Variants in THEMIS observed in about 807,000 individuals in gnomAD.
THEMIS encodes the protein thymocyte selection associated.
Under a neutral mutation model 52.6 loss-of-function variants are expected in THEMIS, and 37 were observed. The observed-to-expected ratio is 0.70, with a 90% CI of 0.54 to 0.93. The LOEUF is 0.93. Among genes scored for constraint, THEMIS ranks in the 40% least tolerant of loss-of-function variants. The probability of loss-of-function intolerance (pLI) is 0.00; values close to 1 mark genes in which losing one functional copy is unlikely to be tolerated. For synonymous variants in THEMIS, 292 were observed against 272.7 expected (o/e 1.07, Z -0.70); for missense variants, 808 against 763.1 (o/e 1.06, Z -0.69).
At position 127,732,499 on chromosome 6, in the gene THEMIS, G is replaced by A. The variant is rs147518357; in HGVS notation, c.1759-12676C>T. Among the ~76,000 whole-genome samples the A allele has an allele frequency of 6.1e-3, 931 of 152,198 alleles. 6 individuals carry two copies. Among genetic ancestry groups the A allele is most frequent in the African/African-American group, 0.021 (867 of 41,504 alleles). On this transcript the variant is annotated intron_variant, in intron 4 of 5. Transcript: ENST00000368248. ...TACCATGCAACCATTACCCAGATCT[G>A]GAAATAGAATATTAGTAATCCCAGC...
intron 2 of THEMIS, among the ~76,000 whole-genome samples, chr6:127,834,664 C>A (rs1312347142): frequency 2.0e-5 from 3 of 151,934 alleles, no homozygotes; most frequent in Non-Finnish European, 4.4e-5. Context: ...ATTGCTTTTA[C>A]CTGCAGAGGT....
intron 1 of THEMIS, among the ~76,000 whole-genome samples, chr6:127,868,252 ATGATG>A (rs1318226721): frequency 1.3e-5 from 2 of 152,150 alleles, no homozygotes; most frequent in African/African-American, 4.8e-5. Flanking sequence ...ATTATTTTAC[ATGATG>A]TTTAAGACTG....
At chr6:127,729,140 TTCTCTCTCTCTCTCTCTCTCTCTCTCTC>T (rs35400135) in intron 4 of THEMIS, among the ~76,000 whole-genome samples, 1,776 of 106,238 alleles carry the variant, frequency 0.017, 61 homozygotes, top group African/African-American at 0.052. Flanking sequence ...TACCAATTTA[TTCTCTCTCTCTCTCTCTCTCTCTCTCTC>T]TCTCTCTCTC....
chr6:127,779,868 A>G (rs1776686013), intron 4 of THEMIS, among the ~76,000 whole-genome samples: 1 of 152,248 alleles, frequency 6.6e-6, no homozygotes, highest in Middle Eastern at 3.4e-3. Context: ...ATAGTTCAAA[A>G]ATTTCTGTTT....
chr6:127,902,225 T>C (rs887466008), upstream of THEMIS, among the ~76,000 whole-genome samples: 4 of 148,692 alleles, frequency 2.7e-5, no homozygotes, highest in African/African-American at 9.9e-5. Flanking sequence ...GTGAGGAGGC[T>C]GAGGAAGGAG....
intron 4 of THEMIS, among the ~76,000 whole-genome samples, chr6:127,798,672 A>T (rs73595721): frequency 5.3e-5 from 8 of 152,348 alleles, no homozygotes; most frequent in African/African-American, 1.9e-4. Flanking sequence ...ATGGTTGTTT[A>T]AAAAAGTAAC....
chr6:127,707,300 G>A (rs114966159), downstream of THEMIS, among the ~76,000 whole-genome samples: 3,270 of 152,166 alleles, frequency 0.021, 117 homozygotes, highest in African/African-American at 0.075. Flanking sequence ...TGAGCAAAAC[G>A]AATAGGAAGA....
At chr6:127,913,865 T>G (rs1484738092) in intron 1 of THEMIS, among the ~76,000 whole-genome samples, 1 of 152,188 alleles carries the variant, frequency 6.6e-6, no homozygotes, top group Non-Finnish European at 1.5e-5. Flanking sequence ...TTGCTAGAAC[T>G]TAATTGGGAG....
intron 4 of THEMIS, among the ~76,000 whole-genome samples, chr6:127,745,355 T>C (rs545189423): frequency 6.6e-6 from 1 of 151,990 alleles, no homozygotes; most frequent in Admixed American, 6.6e-5. Flanking sequence ...GCCCAAATAA[T>C]GCAGAATAGG....
intron 1 of THEMIS, among the ~76,000 whole-genome samples, chr6:127,892,789 G>C (rs935225680): frequency 2.0e-5 from 3 of 152,012 alleles, no homozygotes; most frequent in African/African-American, 7.2e-5. Context: ...GTGTGCCTCG[G>C]CTCCTTTCCA....
intron 3 of THEMIS, among the ~76,000 whole-genome samples, chr6:127,826,476 T>A (rs1323622352): frequency 6.6e-6 from 1 of 152,258 alleles, no homozygotes; most frequent in South Asian, 2.1e-4. Context: ...ATTAATTTTT[T>A]ACATATCTGG....
At chr6:127,858,153 A>C (rs1171051647) in intron 1 of THEMIS, among the ~76,000 whole-genome samples, 1 of 152,092 alleles carries the variant, frequency 6.6e-6, no homozygotes, top group Non-Finnish European at 1.5e-5. Context: ...GTGAGATTTC[A>C]TATCAATTCA....
At chr6:127,818,944 C>T (rs1294014695) in intron 3 of THEMIS, among the ~76,000 whole-genome samples, 4 of 150,804 alleles carry the variant, frequency 2.7e-5, no homozygotes, top group African/African-American at 9.7e-5. Context: ...ATGGTGAAAC[C>T]CCATCTCTAA....
chr6:127,785,992 A>G (rs1055346120), intron 4 of THEMIS, among the ~76,000 whole-genome samples: 4 of 152,072 alleles, frequency 2.6e-5, no homozygotes, highest in African/African-American at 9.7e-5. Flanking sequence ...ACTCCCTCTT[A>G]GTAGGAGATC....
chr6:127,784,558 G>T (rs551696513), intron 4 of THEMIS, among the ~76,000 whole-genome samples: 1 of 152,058 alleles, frequency 6.6e-6, no homozygotes, highest in Non-Finnish European at 1.5e-5. Flanking sequence ...ACAATTCAGG[G>T]ATTCATACAC....
intron 4 of THEMIS, among the ~76,000 whole-genome samples, chr6:127,758,224 T>C (rs1252899664): frequency 2.0e-5 from 3 of 150,826 alleles, no homozygotes; most frequent in Non-Finnish European, 4.4e-5. Flanking sequence ...AGATGTTTTA[T>C]GGTTGATAGA....
intron 4 of THEMIS, among the ~76,000 whole-genome samples, chr6:127,730,413 A>AAGGG (rs138864617): frequency 2.8e-4 from 40 of 143,122 alleles, no homozygotes; most frequent in Non-Finnish European, 3.7e-4. Context: ...GGAAGGAAAG[A>AAGGG]AGGGAGGGAG....
intron 3 of THEMIS, among the ~76,000 whole-genome samples, chr6:127,820,899 T>C (rs1368582653): frequency 6.6e-6 from 1 of 152,172 alleles, no homozygotes; most frequent in African/African-American, 2.4e-5. Context: ...AATTTGGCAA[T>C]GACATCCTCA....
chr6:127,885,857 G>GCC (rs1562321367), intron 1 of THEMIS, among the ~76,000 whole-genome samples: 1 of 151,880 alleles, frequency 6.6e-6, no homozygotes, highest in Non-Finnish European at 1.5e-5. Flanking sequence ...TTTTCTTTTT[G>GCC]ATAAATGGTA....
Sources: gnomAD v4.1 joint callset for allele counts (sites outside exome capture counted in the v4.1 genomes callset) on GRCh38, gnomAD v4.1.1 for gene constraint, MANE v1.5 for transcripts, NCBI Gene and HGNC (gene_info 2026-07-23, HGNC 2026-07-21) for gene names.